The following RGPD2 variants were observed in gnomAD, a reference collection of about 807,000 sequenced individuals.
RGPD2 encodes the protein RANBP2-like and GRIP domain-containing protein 2.
A neutral mutation model predicts 36.0 loss-of-function variants in RGPD2; 2 were observed. The observed-to-expected ratio is 0.06, with a 90% confidence interval of 0.02 to 0.17. RGPD2 has a LOEUF of 0.17. Among genes scored for constraint, RGPD2 ranks in the 10% least tolerant of loss-of-function variants. RGPD2 has a pLI of 1.00. For synonymous variants in RGPD2, 19 were observed against 163.8 expected (o/e 0.12, Z 6.75); for missense variants, 40 against 464.3 (o/e 0.09, Z 8.40).
At chr2:87,923,311 T>A in the RGPD2 span, among the ~76,000 whole-genome samples, 2 of 152,146 alleles carry the variant, frequency 1.3e-5, no homozygotes, top group African/African-American at 4.8e-5. Context: ...GCATTGTGAA[T>A]CTTCACCCAT....
the RGPD2 span, among the ~76,000 whole-genome samples, chr2:87,937,853 G>A: frequency 6.6e-6 from 1 of 151,968 alleles, no homozygotes; most frequent in East Asian, 1.9e-4. Flanking sequence ...CAAGGAGGTA[G>A]ATGTCAATTA....
At chr2:87,986,766 G>C in the RGPD2 span, among the ~76,000 whole-genome samples, 1 of 151,270 alleles carries the variant, frequency 6.6e-6, no homozygotes, top group Non-Finnish European at 1.5e-5. Flanking sequence ...TGTAATCCCA[G>C]CTACTCAGGA....
chr2:87,834,332 T>C, the RGPD2 span, among the ~76,000 whole-genome samples: 4 of 152,056 alleles, frequency 2.6e-5, no homozygotes, highest in Non-Finnish European at 5.9e-5. Flanking sequence ...GAAGTCAAAA[T>C]TGTAATGAAA....
the RGPD2 span, among the ~76,000 whole-genome samples, chr2:87,903,391 G>T: frequency 6.6e-6 from 1 of 152,176 alleles, no homozygotes; most frequent in Non-Finnish European, 1.5e-5. Flanking sequence ...GCTGTCTCAC[G>T]CTAAATTAGA....
the RGPD2 span, among the ~76,000 whole-genome samples, chr2:87,940,628 C>CCGTT: frequency 1.4e-5 from 1 of 73,070 alleles, no homozygotes; most frequent in South Asian, 4.8e-4. Context: ...GATAAATTTT[C>CCGTT]TGTTTGTGTG....
the RGPD2 span, among the ~76,000 whole-genome samples, chr2:87,878,122 T>C: frequency 1.3e-5 from 2 of 152,258 alleles, no homozygotes; most frequent in Non-Finnish European, 2.9e-5. Flanking sequence ...AAGTGTGTTT[T>C]CCAACTTGGT....
chr2:87,952,581 C>G, the RGPD2 span, among the ~76,000 whole-genome samples: 3 of 152,114 alleles, frequency 2.0e-5, no homozygotes, highest in African/African-American at 4.8e-5. Flanking sequence ...AAGTATTGGT[C>G]ACAATTAGAT....
At chr2:87,858,171 G>A in the RGPD2 span, among the ~76,000 whole-genome samples, 5 of 152,060 alleles carry the variant, frequency 3.3e-5, no homozygotes, top group African/African-American at 9.7e-5. Context: ...CCAGCTACTT[G>A]GGAGGCTGAG....
the RGPD2 span, among the ~76,000 whole-genome samples, chr2:87,877,436 G>C: frequency 1.3e-5 from 2 of 152,260 alleles, no homozygotes; most frequent in Admixed American, 1.3e-4. Flanking sequence ...GTCTGAAAAG[G>C]AGCTTATTTC....
chr2:87,866,487 T>C, the RGPD2 span, among the ~76,000 whole-genome samples: 3 of 152,040 alleles, frequency 2.0e-5, no homozygotes. Flanking sequence ...ATAAGGATCT[T>C]GTTACAAACT....
At chr2:87,841,293 G>A in the RGPD2 span, among the ~76,000 whole-genome samples, 1 of 151,948 alleles carries the variant, frequency 6.6e-6, no homozygotes. Context: ...ATGAGTGAAA[G>A]CTCCCTTGAG....
chr2:87,972,252 C>T, the RGPD2 span, among the ~76,000 whole-genome samples: 1 of 142,006 alleles, frequency 7.0e-6, no homozygotes, highest in African/African-American at 2.6e-5. Context: ...AACTGCTTGA[C>T]GAGTATATCA....
the RGPD2 span, among the ~76,000 whole-genome samples, chr2:87,861,745 G>GCTTA: frequency 1.4e-5 from 2 of 146,574 alleles, no homozygotes; most frequent in African/African-American, 5.1e-5. Flanking sequence ...TACCATCTTT[G>GCTTA]CTTAGGTTTT....
At chr2:87,965,062 G>A in the RGPD2 span, among the ~76,000 whole-genome samples, 27,529 of 134,222 alleles carry the variant, frequency 0.21, 1 homozygote, top group East Asian at 0.33. Context: ...CCTGACATGA[G>A]TTTTTGTGAT....
At chr2:87,878,595 TTCTC>T in the RGPD2 span, among the ~76,000 whole-genome samples, 2 of 152,352 alleles carry the variant, frequency 1.3e-5, no homozygotes, top group Admixed American at 1.3e-4. Flanking sequence ...ACATTTAAAA[TTCTC>T]TCTTTTAGGT....
the RGPD2 span, among the ~76,000 whole-genome samples, chr2:87,884,749 T>C: frequency 1.3e-5 from 2 of 151,918 alleles, no homozygotes; most frequent in Admixed American, 6.6e-5. Context: ...CATGATAAGA[T>C]GGGAAATCTT....
At chr2:87,905,148 C>G in the RGPD2 span, among the ~76,000 whole-genome samples, 7 of 152,148 alleles carry the variant, frequency 4.6e-5, no homozygotes. Context: ...TAGGCCATGG[C>G]AGGAACATGA....
chr2:87,977,601 C>T, the RGPD2 span, among the ~76,000 whole-genome samples: 88 of 148,458 alleles, frequency 5.9e-4, no homozygotes, highest in Non-Finnish European at 1.9e-4. Context: ...ATGGCTGGAG[C>T]CCAGGAGTTC....
chr2:87,893,347 ATTTCT>A, the RGPD2 span, among the ~76,000 whole-genome samples: 1 of 148,086 alleles, frequency 6.8e-6, no homozygotes, highest in South Asian at 2.1e-4. Context: ...TCATTGATTC[ATTTCT>A]TTTCTTTCTT....
Sources: allele counts gnomAD v4.1 joint callset (sites outside exome capture counted in the v4.1 genomes callset), GRCh38; gene constraint gnomAD v4.1.1; transcripts MANE v1.5; gene names NCBI Gene and HGNC (gene_info 2026-07-23, HGNC 2026-07-21).